Variants in PLEKHH2 observed in about 807,000 individuals in gnomAD.
PLEKHH2 encodes the protein pleckstrin homology domain-containing family H member 2.
A neutral mutation model predicts 187.9 loss-of-function variants in PLEKHH2; 129 were observed. That is an observed-to-expected ratio of 0.69 (90% CI 0.59 to 0.79). PLEKHH2 has a LOEUF of 0.79. Among genes scored for constraint, PLEKHH2 ranks in the 30% least tolerant of loss-of-function variants. The pLI, the probability that PLEKHH2 is intolerant of heterozygous loss-of-function variation, is 0.00. For synonymous variants in PLEKHH2, 686 were observed against 605.6 expected, an observed-to-expected ratio of 1.13 and a Z score of -1.95; for missense variants, 2,076 against 1,751.2, an observed-to-expected ratio of 1.19 and a Z score of -3.31.
intron 3 of PLEKHH2, among the ~76,000 whole-genome samples, chr2:43,682,943 C>T (rs940683678): frequency 1.2e-4 from 18 of 151,138 alleles, no homozygotes; most frequent in South Asian, 2.1e-4. Flanking sequence ...CATATATACA[C>T]ACACACACAC....
At chr2:43,642,309 T>C (rs1171412881) in intron 1 of PLEKHH2, among the ~76,000 whole-genome samples, 1 of 152,206 alleles carries the variant, frequency 6.6e-6, no homozygotes, top group African/African-American at 2.4e-5. Context: ...AACTGACTTT[T>C]GTATGTTGAT....
chr2:43,726,250 C>G, intron 16 of PLEKHH2, 22 bp from the exon 17 acceptor site: 1 of 1,540,300 alleles, frequency 6.5e-7, no homozygotes, highest in South Asian at 1.2e-5. Flanking sequence ...GCCTTCCTCA[C>G]AATTACTAAT....
At chr2:43,741,240 T>C in intron 21 of PLEKHH2, 197 bp downstream of exon 21, 2 of 399,046 alleles carry the variant, frequency 5.0e-6, no homozygotes, top group Non-Finnish European at 4.3e-6. Flanking sequence ...TTAGGGAAGA[T>C]TGCAATAAAT....
At chr2:43,717,548 C>T (rs1030370056) in intron 15 of PLEKHH2, among the ~76,000 whole-genome samples, 6 of 152,108 alleles carry the variant, frequency 3.9e-5, no homozygotes, top group Admixed American at 6.5e-5. Flanking sequence ...AGAAGTGGAG[C>T]AGTTCCCAGT....
Position 43,699,915 on chromosome 2 carries a change from G to T in PLEKHH2, c.957G>T (p.Arg319Ser). 1 of 1,614,160 alleles carries T rather than the reference G, an allele frequency of 6.2e-7. No individual in the cohort carries two copies. ...HTSEEGVQCSRMGSEMYLTAS... is the reference protein window; with the variant it reads ...HTSEEGVQCSSMGSEMYLTAS... The stretch of plus-strand genomic sequence containing the variant: ...CTGAGGAAGGGGTCCAGTGTAGCAG[G>T]ATGGGAAGTGAAATGTATCTGACAG... The change falls in exon 8 of 30, where the codon AGG becomes AGT. Residue 319 changes from arginine to serine, a missense_variant. Coordinates refer to ENST00000282406, the MANE Select transcript of PLEKHH2 (RefSeq NM_172069.4).
At chr2:43,652,126 G>C (rs561224317) in intron 2 of PLEKHH2, among the ~76,000 whole-genome samples, 1 of 152,190 alleles carries the variant, frequency 6.6e-6, no homozygotes, top group African/African-American at 2.4e-5. Flanking sequence ...TGTTGGACTA[G>C]TGCACTCCAA....
At chr2:43,758,235 A>C (rs975852028) in intron 26 of PLEKHH2, among the ~76,000 whole-genome samples, 3 of 152,110 alleles carry the variant, frequency 2.0e-5, no homozygotes, top group Admixed American at 6.6e-5. Flanking sequence ...TCAGGGATTC[A>C]TCTTTGGGCT....
chr2:43,680,294 A>C (rs1027449716), intron 3 of PLEKHH2, among the ~76,000 whole-genome samples: 2 of 152,244 alleles, frequency 1.3e-5, no homozygotes, highest in African/African-American at 4.8e-5. Flanking sequence ...TCACAACACA[A>C]ATAAATAGTA....
chr2:43,694,782 T>C (rs1388210562), intron 5 of PLEKHH2, among the ~76,000 whole-genome samples: 1 of 152,164 alleles, frequency 6.6e-6, no homozygotes, highest in Non-Finnish European at 1.5e-5. Context: ...CAAATAATAA[T>C]AGGACATACA....
At chr2:43,745,821 G>C in intron 23 of PLEKHH2, 45 bp from the exon 24 acceptor site, 1 of 1,434,002 alleles carries the variant, frequency 7.0e-7, no homozygotes, top group Non-Finnish European at 9.7e-7. Context: ...AAAAAATGTT[G>C]ATTTGAAAAG....
At chr2:43,695,060 T>C (rs1321861065) in intron 5 of PLEKHH2, 83 bp from the exon 6 acceptor site, 6 of 700,664 alleles carry the variant, frequency 8.6e-6, no homozygotes, top group African/African-American at 1.8e-5. Context: ...AACTAAATAT[T>C]AACATTTTCT....
Position 43,682,939 on chromosome 2 carries a change from T to TACACACAC in PLEKHH2, c.186+4030_186+4037dup, listed in dbSNP as rs148292692. Among the ~76,000 whole-genome samples the TACACACAC allele has an allele frequency of 4.7e-5, 7 of 149,746 alleles. No homozygotes were observed. The South Asian group carries it at 6.3e-4, about 14-fold the overall frequency. ...TTATGGCTGAATAATGTTCCATATATACACACACACACACACACACACAAT... is the reference window on the plus strand; with the variant it reads ...TTATGGCTGAATAATGTTCCATATATACACACACACACACACACACACACACACACAAT... On this transcript the variant is annotated intron_variant, in intron 3 of 29. Coordinates refer to ENST00000282406, the MANE Select transcript of PLEKHH2 (RefSeq NM_172069.4).
chr2:43,687,031 G>C (rs561025501), intron 3 of PLEKHH2, among the ~76,000 whole-genome samples: 1 of 152,192 alleles, frequency 6.6e-6, no homozygotes, highest in Non-Finnish European at 1.5e-5. Flanking sequence ...GAGGGTACAT[G>C]TGCAGGTTTG....
rs1208884802 is a variant in PLEKHH2 at position 43,710,520 on chromosome 2, T to C, written c.2246T>C (p.Ile749Thr). 4 of 1,598,828 alleles carry C rather than the reference T, an allele frequency of 2.5e-6. No individual in the cohort carries two copies. The highest frequency in any genetic ancestry group is 4.5e-5 in the East Asian group (2 of 44,804). The part of the protein sequence containing the change: ...SDVIRKPQGH[I>T]ELSASCSILR... ...GTAATTAGAAAACCCCAGGGCCATATTGAACTTAGTGCATCCTGTAGTATT... is the reference window on the plus strand; with the variant it reads ...GTAATTAGAAAACCCCAGGGCCATACTGAACTTAGTGCATCCTGTAGTATT... Residue 749 changes from isoleucine to threonine, a missense_variant, in exon 14 of 30, where the codon ATT (isoleucine) becomes ACT (threonine). Physicochemically the swap from Ile to Thr is moderately conservative, Grantham distance 89 (BLOSUM62 -1). Coordinates refer to ENST00000282406, the MANE Select transcript of PLEKHH2 (RefSeq NM_172069.4).
chr2:43,733,827 A>T lies in PLEKHH2; in HGVS notation c.2943+2225A>T, dbSNP rs539157769. 5.3e-5 allele frequency among the ~76,000 whole-genome samples: 8 copies of T among 152,252 alleles called. No individual in the cohort carries two copies. The South Asian group carries it at 8.3e-4, about 16-fold the overall frequency. ...GTTCTCTCTACTTTTATACATTTTT[A>T]AAATTTCTATAATGGAATGTTTAAA... On this transcript the variant is annotated intron_variant, in intron 19 of 29. Transcript: ENST00000282406.
chr2:43,711,206 C>A (rs1156445054), intron 14 of PLEKHH2: 1 of 985,340 alleles, frequency 1.0e-6, no homozygotes, highest in African/African-American at 1.7e-5. Context: ...CTTCAATAAC[C>A]ATTATTTTCT....
chr2:43,666,890 T>A (rs1025100713), intron 2 of PLEKHH2, among the ~76,000 whole-genome samples: 2 of 152,174 alleles, frequency 1.3e-5, no homozygotes, highest in Non-Finnish European at 2.9e-5. Flanking sequence ...TTTTCTAGTA[T>A]CTCATTTTTC....
intron 17 of PLEKHH2, among the ~76,000 whole-genome samples, chr2:43,728,477 CAAA>C (rs1042037842): frequency 3.6e-5 from 2 of 56,046 alleles, no homozygotes; most frequent in Admixed American, 2.0e-4. Context: ...GACTCTGTCT[CAAA>C]AAAAAAAAAA....
intron 6 of PLEKHH2, 127 bp from the exon 7 acceptor site, chr2:43,697,044 A>T: frequency 1.5e-6 from 1 of 659,088 alleles, no homozygotes. Context: ...TACATCAATA[A>T]AGATGAACTT....
Sources: allele counts gnomAD v4.1 joint callset (sites outside exome capture counted in the v4.1 genomes callset), GRCh38; gene constraint gnomAD v4.1.1; transcripts MANE v1.5; gene names NCBI Gene and HGNC (gene_info 2026-07-23, HGNC 2026-07-21).